Variants in GRM5 observed in about 807,000 individuals in gnomAD.
GRM5 encodes metabotropic glutamate receptor 5.
Under a neutral mutation model 83.1 loss-of-function variants are expected in GRM5, and 19 were observed. The ratio of observed to expected loss-of-function variants is 0.23; its 90% CI spans 0.16 to 0.34. The LOEUF (loss-of-function observed/expected upper bound fraction) is 0.34, where lower values mean the gene tolerates loss of function less well. GRM5 is among the 10% of genes least tolerant of loss of function. The pLI is 1.00. For missense variants in GRM5, 1,160 were observed against 1,588.3 expected (o/e 0.73, Z 4.58); for synonymous variants, 675 against 633.6 (o/e 1.07, Z -0.98).
chr11:88,888,257 T>A (rs1945078812), intron 2 of GRM5, among the ~76,000 whole-genome samples: 1 of 152,164 alleles, frequency 6.6e-6, no homozygotes, highest in Admixed American at 6.6e-5. Flanking sequence ...GGAGGGATGT[T>A]ATGTTGCTCC....
At chr11:88,898,187 TG>T (rs1448266332) in intron 2 of GRM5, among the ~76,000 whole-genome samples, 1 of 151,966 alleles carries the variant, frequency 6.6e-6, no homozygotes, top group African/African-American at 2.4e-5. Flanking sequence ...TCTCTGTGTA[TG>T]TCTGTCTCTG....
chr11:88,566,115 C>T (rs936801790), intron 8 of GRM5, among the ~76,000 whole-genome samples: 3 of 152,148 alleles, frequency 2.0e-5, no homozygotes, highest in Non-Finnish European at 4.4e-5. Flanking sequence ...TGTTAAATTT[C>T]AGAAGAGTTA....
chr11:88,605,167 C>G (rs764953878), intron 4 of GRM5, among the ~76,000 whole-genome samples: 1 of 152,036 alleles, frequency 6.6e-6, no homozygotes, highest in African/African-American at 2.4e-5. Flanking sequence ...TCTTCCAAAA[C>G]TCTGAAAAAA....
chr11:89,060,106 A>C (rs912418537), intron 1 of GRM5, among the ~76,000 whole-genome samples: 6 of 152,094 alleles, frequency 3.9e-5, no homozygotes, highest in African/African-American at 1.2e-4. Flanking sequence ...ACAGTAAAAT[A>C]ATCCCATAAT....
chr11:89,051,687 G>A lies in GRM5; in HGVS notation c.-200-3615C>T, dbSNP rs569555226. On this transcript the variant is annotated intron_variant, in intron 1 of 9. Coordinates refer to ENST00000305447, the MANE Select transcript of GRM5 (RefSeq NM_001143831.3). ...ATTGTGCCACTGCACTCCAGCCTGG[G>A]TGAAAGAGTGATACTCCGTCTCAAG... Among the ~76,000 whole-genome samples the A allele has an allele frequency of 2.7e-3, 408 of 152,258 alleles. 2 individuals are homozygous for A. Among genetic ancestry groups the A allele is most frequent in the African/African-American group, 9.1e-3 (378 of 41,552 alleles).
chr11:88,618,613 A>C (rs953351970), intron 4 of GRM5, among the ~76,000 whole-genome samples: 16 of 152,096 alleles, frequency 1.1e-4, no homozygotes, highest in African/African-American at 3.9e-4. Context: ...CTCAAAAAAA[A>C]AAAAACGATT....
At chr11:88,883,647 T>C (rs1944996060) in intron 2 of GRM5, among the ~76,000 whole-genome samples, 1 of 151,446 alleles carries the variant, frequency 6.6e-6, no homozygotes, top group Non-Finnish European at 1.5e-5. Flanking sequence ...ACCAAGACAG[T>C]GGGGAAAATG....
intron 2 of GRM5, among the ~76,000 whole-genome samples, chr11:88,946,910 G>A (rs927023537): frequency 6.6e-6 from 1 of 152,020 alleles, no homozygotes; most frequent in African/African-American, 2.4e-5. Flanking sequence ...ATTATCTCCT[G>A]GAGCCATTCT....
chr11:88,561,344 G>A (rs1942749873), intron 8 of GRM5, among the ~76,000 whole-genome samples: 1 of 152,134 alleles, frequency 6.6e-6, no homozygotes, highest in Non-Finnish European at 1.5e-5. Context: ...CTAAATTTCA[G>A]TTAAGGTGGA....
chr11:88,684,610 A>G (rs12290409), intron 3 of GRM5, among the ~76,000 whole-genome samples: 4,147 of 152,274 alleles, frequency 0.027, 170 homozygotes, highest in African/African-American at 0.093. Context: ...AGCAAGGTTT[A>G]GAGGCATAGA....
intron 3 of GRM5, among the ~76,000 whole-genome samples, chr11:88,809,852 A>T (rs1211047348): frequency 2.0e-5 from 3 of 152,094 alleles, no homozygotes; most frequent in African/African-American, 7.2e-5. Flanking sequence ...GTTAAATTTG[A>T]ATTTTAGAAA....
rs1262041045 is a variant in GRM5, at chr11:89,047,822, A to C, written c.51T>G (p.Arg17=). 1.9e-6 allele frequency: 3 copies of C among 1,614,010 alleles called. No homozygotes were observed. Among genetic ancestry groups the C allele is most frequent in the Non-Finnish European group, 2.5e-6 (3 of 1,179,908 alleles). ...TCCTCTCACTGGACTGTGCACTCCCACGGACATCTTCTTTCAAAAGTAAGA... is the reference window on the plus strand; with the variant it reads ...TCCTCTCACTGGACTGTGCACTCCCCCGGACATCTTCTTTCAAAAGTAAGA... ...LSVLLLKEDV[R]GSAQSSERRV... is the part of the protein sequence containing the mutation. The change falls in exon 2 of 10, where the codon CGT becomes CGG. Residue 17 remains arginine (R), a synonymous_variant. Coordinates refer to ENST00000305447, the MANE Select transcript of GRM5 (RefSeq NM_001143831.3). This position sits in a 1 kb window ranked among gnomAD's most constrained non-coding sequence, Gnocchi z 5.1.
chr11:88,904,079 T>C (rs894969987), intron 2 of GRM5, among the ~76,000 whole-genome samples: 5 of 152,150 alleles, frequency 3.3e-5, no homozygotes, highest in African/African-American at 1.2e-4. Context: ...AGTAAGGGTA[T>C]AGTAGCCAAC....
intron 8 of GRM5, among the ~76,000 whole-genome samples, chr11:88,557,973 T>C (rs1942665512): frequency 6.6e-6 from 1 of 152,078 alleles, no homozygotes; most frequent in African/African-American, 2.4e-5. Context: ...ACTTCTGATT[T>C]CTCTGTGCAT....
chr11:89,044,702 T>C (rs1382750491), intron 2 of GRM5, among the ~76,000 whole-genome samples: 3 of 152,056 alleles, frequency 2.0e-5, no homozygotes, highest in Non-Finnish European at 4.4e-5. Flanking sequence ...TATAAGAATA[T>C]GAAGATAAAT....
intron 4 of GRM5, among the ~76,000 whole-genome samples, chr11:88,652,005 T>C (rs1352808486): frequency 6.6e-6 from 1 of 151,992 alleles, no homozygotes; most frequent in Non-Finnish European, 1.5e-5. Flanking sequence ...TTATTGCTGG[T>C]ATGTGACAAC....
chr11:89,050,258 G>A (rs1591078603), intron 1 of GRM5, among the ~76,000 whole-genome samples: 1 of 152,174 alleles, frequency 6.6e-6, no homozygotes, highest in Non-Finnish European at 1.5e-5. Flanking sequence ...ACAAAGAACT[G>A]TAATAATATA....
At chr11:88,983,153 C>T (rs973719571) in intron 2 of GRM5, among the ~76,000 whole-genome samples, 3 of 152,186 alleles carry the variant, frequency 2.0e-5, no homozygotes, top group African/African-American at 4.8e-5. Context: ...TTCAAATTCA[C>T]ATTTTTTAAG....
At chr11:88,970,198 T>C (rs1033080231) in intron 2 of GRM5, among the ~76,000 whole-genome samples, 31 of 152,116 alleles carry the variant, frequency 2.0e-4, no homozygotes, top group African/African-American at 7.0e-4. Flanking sequence ...CTGTAACAAA[T>C]AGATCATAGG....
Sources: allele counts gnomAD v4.1 joint callset (sites outside exome capture counted in the v4.1 genomes callset), GRCh38; gene constraint gnomAD v4.1.1; non-coding constraint Gnocchi (gnomAD v3.1); transcripts MANE v1.5; gene names NCBI Gene and HGNC (gene_info 2026-07-23, HGNC 2026-07-21).